Variants in CRMP1 observed in about 807,000 individuals in gnomAD.
The protein encoded by CRMP1 is collapsin response mediator protein 1.
In CRMP1, 19 loss-of-function variants were observed where a neutral mutation model predicts 68.3. The observed-to-expected ratio is 0.28, with a 90% confidence interval of 0.19 to 0.41. The LOEUF is 0.41. CRMP1 is among the 10% of genes least tolerant of loss of function. The pLI is 1.00. For missense variants in CRMP1, 791 were observed against 967.4 expected (o/e 0.82, Z 2.42); for synonymous variants, 439 against 399.6 (o/e 1.10, Z -1.18).
chr4:5,888,381 G>T lies in CRMP1; in HGVS notation c.381+4208C>A. The T allele has an allele frequency of 8.2e-7, 1 of 1,224,896 alleles. No individual in the cohort carries two copies. The highest frequency in any genetic ancestry group is 4.1e-5 in the South Asian group (1 of 24,192). The allele number at this position is 1,224,896 out of a possible 1,614,324, so 75.9% of individuals were successfully genotyped here. A position where few individuals can be genotyped will look rare whatever the true frequency, so the allele number is the denominator to read the frequency against. On this transcript the variant is annotated intron_variant, in intron 1 of 13. Coordinates refer to ENST00000324989, the MANE Select transcript of CRMP1 (RefSeq NM_001014809.3). The surrounding 1 kb of genome is among the most constrained non-coding windows in gnomAD (Gnocchi z 6.4). ...CTGACAAAGGCCCGGGAGGGATAGA[G>T]ACACGGACGGAGGCTCGGCGCCCGT...
chr4:5,867,048 AC>A (rs1714045959), intron 1 of CRMP1, among the ~76,000 whole-genome samples: 1 of 152,110 alleles, frequency 6.6e-6, no homozygotes, highest in Non-Finnish European at 1.5e-5. Flanking sequence ...CTCACTGTTA[AC>A]CCATTTCCCG....
Position 5,891,932 on chromosome 4 carries a change from C to G in CRMP1, c.381+657G>C, listed in dbSNP as rs1392432001. 1.3e-5 allele frequency among the ~76,000 whole-genome samples: 2 copies of G among 152,200 alleles called. No individual in the cohort carries two copies. Among genetic ancestry groups the G allele is most frequent in the African/African-American group, 4.8e-5 (2 of 41,446 alleles). ...ACCTTGCTCTGTGAAGCAGGCACAT[C>G]GGTGTGTGCTGTGGAGCTCAGGAGT... On this transcript the variant is annotated intron_variant, in intron 1 of 13. Transcript: ENST00000324989. The surrounding 1 kb of genome is among the most constrained non-coding windows in gnomAD (Gnocchi z 5.2).
At chr4:5,882,564 G>A (rs1172370387) in intron 1 of CRMP1, among the ~76,000 whole-genome samples, 10 of 152,122 alleles carry the variant, frequency 6.6e-5, no homozygotes, top group Non-Finnish European at 1.3e-4. Flanking sequence ...ATTCTATGGG[G>A]AAAAAATCTT....
Position 5,891,143 on chromosome 4 carries a change from C to T in CRMP1, c.381+1446G>A, listed in dbSNP as rs191288254. On this transcript the variant is annotated intron_variant, in intron 1 of 13. Transcript: ENST00000324989. This position sits in a 1 kb window ranked among gnomAD's most constrained non-coding sequence, Gnocchi z 5.2. ...AGGAAGCTGGACTCTCGCACCATCT[C>T]CCTTTCTGATCACCCCACCACCACA... is the stretch of plus-strand genomic sequence containing the variant. 5.3e-5 allele frequency among the ~76,000 whole-genome samples: 8 copies of T among 150,710 alleles called. No individual in the cohort carries two copies. In the East Asian group the frequency reaches 1.6e-3, roughly 30 times the overall value.
At chr4:5,876,300 T>C (rs1714826394) in intron 1 of CRMP1, among the ~76,000 whole-genome samples, 1 of 152,148 alleles carries the variant, frequency 6.6e-6, no homozygotes, top group South Asian at 2.1e-4. Context: ...CAATACTTAA[T>C]TCTCCCACCC....
At position 5,855,740 on chromosome 4, in the gene CRMP1, G is replaced by T. The variant is rs746515882; in HGVS notation, c.820+403C>A. Among the ~76,000 whole-genome samples, 1 of 152,212 alleles carries T rather than the reference G, an allele frequency of 6.6e-6. No homozygotes were observed. The highest frequency in any genetic ancestry group is 1.5e-5 in the Non-Finnish European group (1 of 68,036). ...GTAATGGTTGAGTTGGGTCTTGAAGGTGAGTAGCACTGGGCAGGCAGAGGA... is the reference window on the plus strand; with the variant it reads ...GTAATGGTTGAGTTGGGTCTTGAAGTTGAGTAGCACTGGGCAGGCAGAGGA... On this transcript the variant is annotated intron_variant, in intron 4 of 13. Coordinates refer to ENST00000324989, the MANE Select transcript of CRMP1 (RefSeq NM_001014809.3). This position sits in a 1 kb window ranked among gnomAD's most constrained non-coding sequence, Gnocchi z 4.9.
intron 1 of CRMP1, among the ~76,000 whole-genome samples, chr4:5,873,182 A>T (rs1018975476): frequency 6.6e-6 from 1 of 152,328 alleles, no homozygotes; most frequent in Non-Finnish European, 1.5e-5. Flanking sequence ...CTTTGCTGCC[A>T]GTGTGGGAAA....
At chr4:5,824,821 CT>C (rs1250573303) in intron 13 of CRMP1, 2 of 985,302 alleles carry the variant, frequency 2.0e-6, no homozygotes, top group Non-Finnish European at 2.4e-6. Flanking sequence ...TCCAGTTCAA[CT>C]TTCTCAACGT....
Position 5,821,892 on chromosome 4 carries a change from G to C in CRMP1, c.1970-41C>G, listed in dbSNP as rs191530433. 2 of 1,463,450 alleles carry C rather than the reference G, an allele frequency of 1.4e-6. No homozygotes were observed. The highest frequency in any genetic ancestry group is 1.8e-6 in the Non-Finnish European group (2 of 1,092,186). 90.7% of individuals were successfully genotyped at this position (1,463,450 alleles called of 1,614,324 possible). ...AATCGCTGCTGGATGGGATCTGTTA[G>C]CATCAGTTCCACGCTGCTCCTGGAG... On this transcript the variant is annotated intron_variant, in intron 13 of 13. Transcript: ENST00000324989. The surrounding 1 kb of genome is among the most constrained non-coding windows in gnomAD (Gnocchi z 4.4).
At position 5,840,498 on chromosome 4, in the gene CRMP1, G is replaced by A. The variant is rs563016742; in HGVS notation, c.1153+810C>T. Among the ~76,000 whole-genome samples the A allele has an allele frequency of 3.9e-5, 6 of 152,354 alleles. No homozygotes were observed. In the South Asian group the frequency reaches 1.2e-3, roughly 32 times the overall value. Reference sequence around the variant, plus strand: ...CAGCTGCAAGCTCTGCCCGGCTCTAGGGCAGCCCATCAAGCAGCGCTTTCT... The same window carrying A: ...CAGCTGCAAGCTCTGCCCGGCTCTAAGGCAGCCCATCAAGCAGCGCTTTCT... On this transcript the variant is annotated intron_variant, in intron 8 of 13. Coordinates refer to ENST00000324989, the MANE Select transcript of CRMP1 (RefSeq NM_001014809.3).
At chr4:5,886,922 A>G (rs925562649) in intron 1 of CRMP1, among the ~76,000 whole-genome samples, 2 of 152,158 alleles carry the variant, frequency 1.3e-5, no homozygotes, top group Non-Finnish European at 2.9e-5. Context: ...GGTGGTGCCC[A>G]CCCTCTGGAT....
At chr4:5,851,787 A>G (rs13124908) in intron 4 of CRMP1, among the ~76,000 whole-genome samples, 85,650 of 148,866 alleles carry the variant, frequency 0.58, 25,173 homozygotes, top group East Asian at 0.72. Context: ...GAAAGAGGAC[A>G]AGGAGGAAGA....
rs1711826165 is a variant in CRMP1 at position 5,842,499 on chromosome 4, T to C, written c.1032+594A>G. On this transcript the variant is annotated intron_variant, in intron 7 of 13. Coordinates refer to ENST00000324989, the MANE Select transcript of CRMP1 (RefSeq NM_001014809.3). The surrounding 1 kb of genome is among the most constrained non-coding windows in gnomAD (Gnocchi z 4.5). ...AGGTGTCCTCAACTCAAAGGATGGCTGCCAGGGTGCCCACTCTATTCCATG... is the reference window on the plus strand; with the variant it reads ...AGGTGTCCTCAACTCAAAGGATGGCCGCCAGGGTGCCCACTCTATTCCATG... Among the ~76,000 whole-genome samples, 2 of 151,298 alleles carry C rather than the reference T, an allele frequency of 1.3e-5. No homozygotes were observed. Among genetic ancestry groups the C allele is most frequent in the South Asian group, 4.2e-4 (2 of 4,778 alleles).
chr4:5,831,153 T>C (rs1577747081), intron 11 of CRMP1, among the ~76,000 whole-genome samples: 1 of 152,046 alleles, frequency 6.6e-6, no homozygotes, highest in Non-Finnish European at 1.5e-5. Flanking sequence ...TCTCACTATG[T>C]CACCCAGTTT....
At chr4:5,827,733 G>GCGCACACACACACACA (rs1553902552) in intron 12 of CRMP1, among the ~76,000 whole-genome samples, 1 of 138,276 alleles carries the variant, frequency 7.2e-6, no homozygotes, top group African/African-American at 2.9e-5. Flanking sequence ...ATGTGCGCGT[G>GCGCACACACACACACA]CACACACACA....
rs1711914525 is a variant in CRMP1 at position 5,843,140 on chromosome 4, T to C, written c.985A>G (p.Met329Val). ...IAQEQKRILE[M>V]GITGPEGHAL... ...TGGCCCTCGGGACCCGTGATGCCCA[T>C]CTCCAGGATCCGCTTTTGTTCCTAC... is the stretch of plus-strand genomic sequence containing the variant. The change falls in exon 7 of 14, where the codon ATG becomes GTG. Residue 329 changes from methionine to valine, a missense_variant. Around this residue, in one of 3 missense-constraint regions of CRMP1, gnomAD observed 594 missense variants for 763.6 expected, o/e 0.78. Coordinates refer to ENST00000324989, the MANE Select transcript of CRMP1 (RefSeq NM_001014809.3). This position sits in a 1 kb window ranked among gnomAD's most constrained non-coding sequence, Gnocchi z 4.1. 6.2e-7 allele frequency: 1 copy of C among 1,614,120 alleles called. No homozygotes were observed. The highest frequency in any genetic ancestry group is 8.5e-7 in the Non-Finnish European group (1 of 1,180,018).
intron 3 of CRMP1, among the ~76,000 whole-genome samples, chr4:5,857,115 A>AATCATCATCACC (rs150699330): frequency 0.017 from 2,344 of 139,386 alleles, 71 homozygotes; most frequent in African/African-American, 0.06. Context: ...CCACCACCAC[A>AATCATCATCACC]ATCATCACCA....
Position 5,841,397 on chromosome 4 carries a change from G to A in CRMP1, c.1064C>T (p.Thr355Ile), listed in dbSNP as rs138991048. ...LEAEAVFRAI[T>I]IAGRINCPVY... Reference sequence around the variant, plus strand: ...AGGGCAGTTGATCCGGCCCGCAATGGTGATGGCCCGGAACACCGCCTCGGC... The same window carrying A: ...AGGGCAGTTGATCCGGCCCGCAATGATGATGGCCCGGAACACCGCCTCGGC... Residue 355 changes from threonine to isoleucine, a missense_variant, in exon 8 of 14, where the codon ACC becomes ATC. Thr to Ile is a moderately conservative substitution (Grantham distance 89). This residue lies in a region of CRMP1 where 594 missense variants were observed against 763.6 expected (regional missense o/e 0.78). Transcript: ENST00000324989. The surrounding 1 kb of genome is among the most constrained non-coding windows in gnomAD (Gnocchi z 6.9). 4.3e-6 allele frequency: 7 copies of A among 1,614,074 alleles called. No homozygotes were observed. The highest frequency in any genetic ancestry group is 1.7e-5 in the Admixed American group (1 of 60,000).
chr4:5,889,935 G>T lies in CRMP1; in HGVS notation c.381+2654C>A. 1 of 1,365,794 alleles carries T rather than the reference G, an allele frequency of 7.3e-7. No individual in the cohort carries two copies. Among genetic ancestry groups the T allele is most frequent in the Non-Finnish European group, 9.5e-7 (1 of 1,056,352 alleles). The allele number at this position is 1,365,794 out of a possible 1,614,324, so 84.6% of individuals were successfully genotyped here. A position where few individuals can be genotyped will look rare whatever the true frequency, so the allele number is the denominator to read the frequency against. On this transcript the variant is annotated intron_variant, in intron 1 of 13. Transcript: ENST00000324989. This position sits in a 1 kb window ranked among gnomAD's most constrained non-coding sequence, Gnocchi z 4.5. ...CATAATTTTCCCATTTTACAGACAG[G>T]AAATTGAGGCTTACAGAGGTAAAAT...
Sources: gnomAD v4.1 joint callset for allele counts (sites outside exome capture counted in the v4.1 genomes callset) on GRCh38, gnomAD v4.1.1 for gene constraint, gnomAD v4.1.1 regional missense constraint, Gnocchi (gnomAD v3.1) non-coding constraint, MANE v1.5 for transcripts, NCBI Gene and HGNC (gene_info 2026-07-23, HGNC 2026-07-21) for gene names.